The following SUCO variants were observed in gnomAD, a reference collection of about 807,000 sequenced individuals.
SUCO encodes SUN domain containing ossification factor.
In SUCO, 57 loss-of-function variants were observed where a neutral mutation model predicts 148.1. The ratio of observed to expected loss-of-function variants is 0.38; its 90% CI spans 0.31 to 0.48. SUCO has a LOEUF of 0.48. Ranked by LOEUF, SUCO falls within the 20% of genes least tolerant of loss-of-function variation. The probability of loss-of-function intolerance (pLI) is 0.96; values close to 1 mark genes in which losing one functional copy is unlikely to be tolerated. For synonymous variants in SUCO, 470 were observed against 502.7 expected, an observed-to-expected ratio of 0.93 and a Z score of 0.87; for missense variants, 1,331 against 1,468.2, an observed-to-expected ratio of 0.91 and a Z score of 1.53.
At chr1:172,587,393 T>C (rs552697620) in intron 17 of SUCO, among the ~76,000 whole-genome samples, 2 of 152,144 alleles carry the variant, frequency 1.3e-5, no homozygotes, top group African/African-American at 2.4e-5. Flanking sequence ...AAAAAACTTT[T>C]AAAGTATATT....
intron 19 of SUCO, 140 bp downstream of exon 19, chr1:172,591,211 G>T: frequency 1.8e-6 from 1 of 553,898 alleles, no homozygotes; most frequent in Non-Finnish European, 3.2e-6. Flanking sequence ...TTAATGTGAT[G>T]TCATGTTTGG....
intron 16 of SUCO, among the ~76,000 whole-genome samples, chr1:172,585,500 CT>C (rs1656176781): frequency 6.6e-6 from 1 of 151,720 alleles, no homozygotes; most frequent in African/African-American, 2.4e-5. Context: ...ACAGTCTTGC[CT>C]TTTTGTTTTT....
In SUCO at chr1:172,588,747, T is replaced by C. The variant is rs772936917; in HGVS notation, c.1659-13T>C. ...AAGTAAGTGATTTATAATTATGATA[T>C]ATGTATTTCTAGGTATGTAACCACT... On this transcript the variant is annotated splice_polypyrimidine_tract_variant and intron_variant, in intron 17 of 23. Coordinates refer to ENST00000263688, the MANE Select transcript of SUCO (RefSeq NM_014283.5). 1.1e-4 allele frequency: 151 copies of C among 1,403,780 alleles called. No individual in the cohort carries two copies. Among genetic ancestry groups the C allele is most frequent in the Non-Finnish European group, 1.3e-4 (144 of 1,069,388 alleles). 87.0% of individuals were successfully genotyped at this position (1,403,780 alleles called of 1,614,324 possible). A position where few individuals can be genotyped will look rare whatever the true frequency, so the allele number is the denominator to read the frequency against.
At chr1:172,541,027 T>G (rs1652415103) in intron 1 of SUCO, among the ~76,000 whole-genome samples, 1 of 152,030 alleles carries the variant, frequency 6.6e-6, no homozygotes, top group South Asian at 2.1e-4. Context: ...GGAAGGAGAC[T>G]TAGAGGGGTG....
intron 1 of SUCO, among the ~76,000 whole-genome samples, chr1:172,547,099 T>C (rs1652920370): frequency 6.6e-6 from 1 of 152,228 alleles, no homozygotes; most frequent in African/African-American, 2.4e-5. Context: ...TCTGTCACCA[T>C]GGATTAGTTT....
At chr1:172,597,850 A>G (rs938974884) in intron 19 of SUCO, among the ~76,000 whole-genome samples, 5 of 152,166 alleles carry the variant, frequency 3.3e-5, no homozygotes, top group East Asian at 1.9e-4. Context: ...TTTCCTATTC[A>G]TGGCACGTTA....
chr1:172,607,444 G>T (rs1657931653), intron 22 of SUCO, among the ~76,000 whole-genome samples: 1 of 151,778 alleles, frequency 6.6e-6, no homozygotes, highest in Non-Finnish European at 1.5e-5. Flanking sequence ...CAGGGAGATG[G>T]TATCTTATTA....
Position 172,562,962 on chromosome 1 carries a change from C to A in SUCO, c.732+5168C>A, listed in dbSNP as rs116191147. On this transcript the variant is annotated intron_variant, in intron 6 of 23. Coordinates refer to ENST00000263688, the MANE Select transcript of SUCO (RefSeq NM_014283.5). ...TAGTTTAAAAGTGTGTAGTGCTTAC[C>A]CCTTCACTCTCTTCCTCCTGCACTG... Among the ~76,000 whole-genome samples, 613 of 152,192 alleles carry A rather than the reference C, an allele frequency of 4.0e-3. 2 individuals carry two copies. Among genetic ancestry groups the A allele is most frequent in the African/African-American group, 0.014 (589 of 41,508 alleles).
chr1:172,570,938 A>C (rs1053338079), intron 9 of SUCO: 1 of 466,566 alleles, frequency 2.1e-6, no homozygotes, highest in African/African-American at 2.0e-5. Flanking sequence ...TGGTTAAACA[A>C]TTATGAAATG....
In SUCO at chr1:172,543,121, T is replaced by C. The variant is rs116719536; in HGVS notation, c.63-8391T>C. On this transcript the variant is annotated intron_variant, in intron 1 of 23. Transcript: ENST00000263688. ...TTACACAGTGCCACTGGATTTGTCT[T>C]ACATGCAGCTTTGATTATGTCAGTC... 4.4e-4 allele frequency: 233 copies of C among 527,360 alleles called. No homozygotes were observed. In the African/African-American group the frequency reaches 4.6e-3, roughly 10 times the overall value. 32.7% of individuals were successfully genotyped at this position (527,360 alleles called of 1,614,324 possible).
intron 6 of SUCO, among the ~76,000 whole-genome samples, chr1:172,566,434 CA>C (rs1423595876): frequency 6.6e-6 from 1 of 152,198 alleles, no homozygotes; most frequent in East Asian, 1.9e-4. Flanking sequence ...TCGTGGTCAC[CA>C]GATGATTCAG....
intron 1 of SUCO, among the ~76,000 whole-genome samples, chr1:172,542,297 A>C (rs981959638): frequency 9.2e-5 from 14 of 152,042 alleles, no homozygotes; most frequent in Non-Finnish European, 1.9e-4. Flanking sequence ...CAGGAGAATC[A>C]CTTGAACCTA....
chr1:172,605,746 G>A (rs1027859124), intron 22 of SUCO, among the ~76,000 whole-genome samples: 8 of 151,732 alleles, frequency 5.3e-5, no homozygotes, highest in South Asian at 2.1e-4. Context: ...ATACAGGTAC[G>A]TATACTGAGA....
At position 172,610,092 on chromosome 1, in the gene SUCO, AG is replaced by A; in HGVS notation, c.3601del (p.Ala1201LeufsTer2). ...GTCTCAAAAGACAAAAACTGAGAAG[AG>A]GGCTTTAAAACGAAGACGATCTAAA... The part of the protein sequence containing the change: ...GQSQKTKTEK[R>X]ALKRRRSKVQ... On this transcript the variant is annotated frameshift_variant, in exon 24 of 24. Coordinates refer to ENST00000263688, the MANE Select transcript of SUCO (RefSeq NM_014283.5). LOFTEE classifies it high-confidence loss of function. 1 of 1,613,930 alleles carries A rather than the reference AG, an allele frequency of 6.2e-7. No individual in the cohort carries two copies. Among genetic ancestry groups the A allele is most frequent in the Non-Finnish European group, 8.5e-7 (1 of 1,179,886 alleles).
chr1:172,572,328 G>A (rs1178112751), intron 9 of SUCO, among the ~76,000 whole-genome samples: 2 of 151,938 alleles, frequency 1.3e-5, no homozygotes, highest in African/African-American at 4.8e-5. Flanking sequence ...GGTAGACACG[G>A]GAGACTTTTC....
chr1:172,577,429 T>A (rs996900231), intron 11 of SUCO, 110 bp from the exon 12 acceptor site: 3 of 1,023,392 alleles, frequency 2.9e-6, no homozygotes, highest in Non-Finnish European at 4.3e-6. Flanking sequence ...TCACATGACA[T>A]TACTCTCTAT....
intron 19 of SUCO, among the ~76,000 whole-genome samples, chr1:172,593,450 T>C (rs1185285977): frequency 1.3e-5 from 2 of 152,224 alleles, no homozygotes; most frequent in Non-Finnish European, 2.9e-5. Context: ...CTACATCCCA[T>C]CAATACCTAG....
rs900179159 is a variant in SUCO, at chr1:172,575,771, A to T, written c.1263+148A>T. 4 of 498,948 alleles carry T rather than the reference A, an allele frequency of 8.0e-6. No individual in the cohort carries two copies. In the Admixed American group the frequency reaches 1.6e-4, roughly 20 times the overall value. The allele number at this position is 498,948 out of a possible 1,614,324, so 30.9% of individuals were successfully genotyped here. A position where few individuals can be genotyped will look rare whatever the true frequency, so the allele number is the denominator to read the frequency against. ...TAGATAATTCTTACTTGGGTATATT[A>T]TTTCATGAATCAAATATTGCTACAT... is the stretch of plus-strand genomic sequence containing the variant. On this transcript the variant is annotated intron_variant, in intron 11 of 23. Coordinates refer to ENST00000263688, the MANE Select transcript of SUCO (RefSeq NM_014283.5).
rs140485269 is a variant in SUCO at position 172,605,901 on chromosome 1, A to G, written c.3266-2846A>G. On this transcript the variant is annotated intron_variant, in intron 22 of 23. Coordinates refer to ENST00000263688, the MANE Select transcript of SUCO (RefSeq NM_014283.5). ...GTCTTGTTCCAAAGGGAAAGCTTAC[A>G]GTGTTTTATTGCTAAGATTGTATTT... 4.5e-3 allele frequency among the ~76,000 whole-genome samples: 684 copies of G among 151,840 alleles called. 19 individuals are homozygous for G. Among genetic ancestry groups the G allele is most frequent in the Admixed American group, 0.025 (385 of 15,240 alleles).
Sources: gnomAD v4.1 joint callset for allele counts (sites outside exome capture counted in the v4.1 genomes callset) on GRCh38, gnomAD v4.1.1 for gene constraint, MANE v1.5 for transcripts, NCBI Gene and HGNC (gene_info 2026-07-23, HGNC 2026-07-21) for gene names.